The following DCAF6 variants were observed in gnomAD, a reference collection of about 807,000 sequenced individuals.
DCAF6 encodes DDB1- and CUL4-associated factor 6.
DCAF6 carries 54 observed loss-of-function variants against 125.1 expected under a neutral mutation model. That is an observed-to-expected ratio of 0.43 (90% CI 0.35 to 0.54). The LOEUF is 0.54. Ranked by LOEUF, DCAF6 falls within the 20% of genes least tolerant of loss-of-function variation. The pLI is 0.01. For synonymous variants in DCAF6, 371 were observed against 390.4 expected, an observed-to-expected ratio of 0.95 and a Z score of 0.58; for missense variants, 934 against 1,161.7, an observed-to-expected ratio of 0.80 and a Z score of 2.85.
At chr1:167,902,463 G>C in the DCAF6 span, among the ~76,000 whole-genome samples, 1 of 152,356 alleles carries the variant, frequency 6.6e-6, no homozygotes, top group Middle Eastern at 3.4e-3. Context: ...CTAGGAGTCA[G>C]GGAATGGGAA....
At chr1:167,896,718 C>T in the DCAF6 span, 1 of 1,478,640 alleles carries the variant, frequency 6.8e-7, no homozygotes, top group Non-Finnish European at 9.5e-7. Context: ...GAGAAGTTTT[C>T]AGTTATTCTG....
intron 7 of DCAF6, among the ~76,000 whole-genome samples, chr1:168,001,110 G>A (rs1401769319): frequency 2.6e-5 from 4 of 152,040 alleles, no homozygotes; most frequent in Non-Finnish European, 5.9e-5. Context: ...AGACCAACCT[G>A]GGCAACATAG....
intron 17 of DCAF6, among the ~76,000 whole-genome samples, chr1:168,052,727 G>C (rs1437705977): frequency 1.3e-5 from 2 of 152,190 alleles, no homozygotes; most frequent in African/African-American, 4.8e-5. Context: ...CTAAGATTCT[G>C]AATGATAGGT....
In DCAF6 at chr1:168,045,177, T is replaced by G; in HGVS notation, c.2208T>G (p.Asp736Glu). The G allele has an allele frequency of 2.5e-6, 4 of 1,613,938 alleles. 1 individual carries two copies. In the South Asian group the frequency reaches 4.4e-5, roughly 18 times the overall value. Residue 736 changes from aspartate (D) to glutamate (E), a missense_variant, in exon 16 of 22, where the codon GAT (aspartate) becomes GAG (glutamate). Physicochemically the swap from Asp to Glu is conservative, Grantham distance 45. This residue lies in a region of DCAF6 where 559 missense variants were observed against 635.5 expected (regional missense o/e 0.88). Transcript: ENST00000367840. ...SALQDTDDSD[D>E]DPVLIPGARY... ...TTCAGGACACAGATGACAGTGATGATGACCCAGTCCTGATCCCAGGTGCAA... is the reference window on the plus strand; with the variant it reads ...TTCAGGACACAGATGACAGTGATGAGGACCCAGTCCTGATCCCAGGTGCAA...
intron 21 of DCAF6, among the ~76,000 whole-genome samples, chr1:168,072,823 T>G (rs1693285578): frequency 6.6e-6 from 1 of 152,162 alleles, no homozygotes; most frequent in Admixed American, 6.5e-5. Context: ...CTACCTTCCC[T>G]CCCTCTGCAG....
chr1:167,891,021 G>GC, the DCAF6 span, among the ~76,000 whole-genome samples: 32 of 152,194 alleles, frequency 2.1e-4, no homozygotes, highest in Middle Eastern at 3.4e-3. Flanking sequence ...GAGTGCAGTG[G>GC]CGCAATCTCG....
chr1:168,034,540 G>A (rs748332329), intron 12 of DCAF6, among the ~76,000 whole-genome samples: 2 of 152,134 alleles, frequency 1.3e-5, no homozygotes, highest in Non-Finnish European at 2.9e-5. Flanking sequence ...GGAAAAGTCC[G>A]TAACTAGAGA....
chr1:168,063,060 C>T (rs1238903822), intron 17 of DCAF6, among the ~76,000 whole-genome samples: 4 of 151,950 alleles, frequency 2.6e-5, no homozygotes, highest in South Asian at 4.2e-4. Flanking sequence ...TATAGGCGCC[C>T]GCTGCCAAAC....
intron 12 of DCAF6, among the ~76,000 whole-genome samples, chr1:168,037,327 CTT>C (rs1050098113): frequency 2.0e-4 from 31 of 152,046 alleles, no homozygotes; most frequent in African/African-American, 7.0e-4. Context: ...TTGTGATTGT[CTT>C]TGTTATTTTT....
intron 3 of DCAF6, 105 bp from the exon 4 acceptor site, chr1:167,974,725 G>T (rs1677878432): frequency 1.2e-6 from 1 of 819,622 alleles, no homozygotes; most frequent in African/African-American, 1.8e-5. Context: ...CTTTCACTGA[G>T]ATGAGAATGT....
chr1:168,045,190 A>T lies in DCAF6; in HGVS notation c.2221A>T (p.Ile741Phe). 1 of 1,613,440 alleles carries T rather than the reference A, an allele frequency of 6.2e-7. No homozygotes were observed. The highest frequency in any genetic ancestry group is 8.5e-7 in the Non-Finnish European group (1 of 1,179,756). The part of the protein sequence containing the change: ...TDDSDDDPVL[I>F]PGARYRAGPG... ...TGACAGTGATGATGACCCAGTCCTG[A>T]TCCCAGGTGCAAGGTATCGAGCAGG... is the stretch of plus-strand genomic sequence containing the variant. The change falls in exon 16 of 22, where the codon ATC becomes TTC. Residue 741 changes from isoleucine to phenylalanine, a missense_variant. Physicochemically the swap from Ile to Phe is conservative, Grantham distance 21. Around this residue, in one of 5 missense-constraint regions of DCAF6, gnomAD observed 559 missense variants for 635.5 expected, o/e 0.88. Coordinates refer to ENST00000367840, the MANE Select transcript of DCAF6 (RefSeq NM_001198956.2).
the DCAF6 span, among the ~76,000 whole-genome samples, chr1:167,927,495 C>G: frequency 1.3e-5 from 2 of 152,268 alleles, no homozygotes; most frequent in African/African-American, 4.8e-5. Context: ...AAGAGTCAGT[C>G]CATGTATTGT....
chr1:167,925,628 C>A, the DCAF6 span, among the ~76,000 whole-genome samples: 1 of 148,394 alleles, frequency 6.7e-6, no homozygotes, highest in East Asian at 2.0e-4. Flanking sequence ...CTCACTGCAA[C>A]CTCCACCTCC....
chr1:167,960,706 C>A (rs963412622), intron 2 of DCAF6, among the ~76,000 whole-genome samples: 5 of 152,096 alleles, frequency 3.3e-5, no homozygotes, highest in Non-Finnish European at 5.9e-5. Context: ...GATTTTTATT[C>A]TTTTAAATTT....
At chr1:167,929,072 A>G in the DCAF6 span, among the ~76,000 whole-genome samples, 2 of 152,202 alleles carry the variant, frequency 1.3e-5, no homozygotes, top group Non-Finnish European at 2.9e-5. Flanking sequence ...ATGTCTATAC[A>G]TTTAGGCCGG....
chr1:167,896,041 A>G, the DCAF6 span, among the ~76,000 whole-genome samples: 1 of 152,210 alleles, frequency 6.6e-6, no homozygotes, highest in East Asian at 1.9e-4. Flanking sequence ...ACCATCTAGG[A>G]TGAGGCCTGA....
the DCAF6 span, among the ~76,000 whole-genome samples, chr1:167,928,241 G>C: frequency 6.6e-6 from 1 of 151,332 alleles, no homozygotes; most frequent in Non-Finnish European, 1.5e-5. Context: ...CCAGCTACTC[G>C]GGAGGCTGAG....
chr1:168,034,007 GT>G (rs1182881077), intron 12 of DCAF6, among the ~76,000 whole-genome samples: 1 of 152,164 alleles, frequency 6.6e-6, no homozygotes, highest in Non-Finnish European at 1.5e-5. Flanking sequence ...ATACAACATA[GT>G]TTTCCTATAC....
the DCAF6 span, among the ~76,000 whole-genome samples, chr1:167,913,762 C>CA: frequency 4.6e-5 from 7 of 152,070 alleles, no homozygotes; most frequent in African/African-American, 1.7e-4. Context: ...GCTAGAAAGA[C>CA]AGAGCATCCA....
Sources: gnomAD v4.1 joint callset for allele counts (sites outside exome capture counted in the v4.1 genomes callset) on GRCh38, gnomAD v4.1.1 for gene constraint, gnomAD v4.1.1 regional missense constraint, MANE v1.5 for transcripts, NCBI Gene and HGNC (gene_info 2026-07-23, HGNC 2026-07-21) for gene names.